LMO7: variants seen among roughly 807,000 people sequenced by gnomAD.
LMO7 encodes LIM domain 7.
In LMO7, 120 loss-of-function variants were observed where a neutral mutation model predicts 206.5. The ratio of observed to expected loss-of-function variants is 0.58; its 90% CI spans 0.50 to 0.68. LMO7 has a LOEUF of 0.68. Among genes scored for constraint, LMO7 ranks in the 30% least tolerant of loss-of-function variants. The pLI is 0.00. For synonymous variants in LMO7, 706 were observed against 681.5 expected, an observed-to-expected ratio of 1.04 and a Z score of -0.56; for missense variants, 1,959 against 1,957.9, an observed-to-expected ratio of 1.00 and a Z score of -0.01.
At chr13:75,787,270 C>G (rs1027046165) in intron 4 of LMO7, among the ~76,000 whole-genome samples, 3 of 152,166 alleles carry the variant, frequency 2.0e-5, no homozygotes, top group Non-Finnish European at 4.4e-5. Context: ...TACGTAATAA[C>G]AAGCATTTTA....
chr13:75,724,621 T>A (rs79378798), intron 2 of LMO7, among the ~76,000 whole-genome samples: 208 of 152,312 alleles, frequency 1.4e-3, no homozygotes, highest in African/African-American at 4.9e-3. Context: ...GCTATGCCCC[T>A]AATCCTCTAG....
At chr13:75,713,129 C>T in intron 1 of LMO7, 53 bp from the exon 2 acceptor site, 2 of 1,296,674 alleles carry the variant, frequency 1.5e-6, no homozygotes, top group African/African-American at 1.5e-5. Flanking sequence ...CTGAATTGGA[C>T]TTGTGTGCTA....
intron 7 of LMO7, among the ~76,000 whole-genome samples, chr13:75,801,126 T>G (rs2054670359): frequency 6.6e-6 from 1 of 152,130 alleles, no homozygotes; most frequent in Non-Finnish European, 1.5e-5. Context: ...GTGGCCTGTT[T>G]TATCAGTGAT....
At chr13:75,625,463 A>G (rs527408013) in intron 2 of LMO7, among the ~76,000 whole-genome samples, 5 of 142,476 alleles carry the variant, frequency 3.5e-5, no homozygotes, top group African/African-American at 7.7e-5. Context: ...GTGCATGTGC[A>G]TGTGTGTGTG....
intron 1 of LMO7, among the ~76,000 whole-genome samples, chr13:75,672,773 A>G (rs1015502474): frequency 1.3e-5 from 2 of 150,252 alleles, no homozygotes; most frequent in Admixed American, 6.7e-5. Context: ...ATGATATCTC[A>G]TACTTTTGAT....
chr13:75,703,714 TTG>T lies in LMO7; in HGVS notation c.70-9443_70-9442del, dbSNP rs139490120. Among the ~76,000 whole-genome samples, 509 of 147,114 alleles carry T rather than the reference TTG, an allele frequency of 3.5e-3. 1 individual carries two copies. Among genetic ancestry groups the T allele is most frequent in the Middle Eastern group, 0.01 (3 of 294 alleles). ...CTCAGCTTCTCTGACTTCAGGTTCT[TTG>T]TGTGTGTGTGTGTGTGTGTGTGTGC... is the stretch of plus-strand genomic sequence containing the variant. On this transcript the variant is annotated intron_variant, in intron 1 of 30. Transcript: ENST00000377534.
At chr13:75,645,021 T>C (rs1225456977) in intron 1 of LMO7, among the ~76,000 whole-genome samples, 1 of 152,230 alleles carries the variant, frequency 6.6e-6, no homozygotes, top group African/African-American at 2.4e-5. Context: ...CCATTTAAAG[T>C]GTTAAAAAAG....
chr13:75,784,103 G>A (rs1006281992), intron 4 of LMO7, among the ~76,000 whole-genome samples: 1 of 152,152 alleles, frequency 6.6e-6, no homozygotes, highest in Non-Finnish European at 1.5e-5. Flanking sequence ...GGGCCAGGGA[G>A]TGGCAGTGGT....
intron 8 of LMO7, chr13:75,805,222 A>C (rs2055285413): frequency 8.3e-7 from 1 of 1,203,194 alleles, no homozygotes; most frequent in Non-Finnish European, 1.1e-6. Context: ...AACACCCCAA[A>C]TTGTTTGTTA....
chr13:75,729,280 G>C (rs1456775928), intron 3 of LMO7, among the ~76,000 whole-genome samples: 32 of 150,020 alleles, frequency 2.1e-4, no homozygotes, highest in South Asian at 4.3e-4. Flanking sequence ...TCTTCCATTT[G>C]TTTGTATCCT....
rs1183212876 is a variant in LMO7, at chr13:75,807,624, T to C, written c.1341T>C (p.Asp447=). 1 of 1,613,990 alleles carries C rather than the reference T, an allele frequency of 6.2e-7. No homozygotes were observed. Among genetic ancestry groups the C allele is most frequent in the African/African-American group, 1.3e-5 (1 of 75,048 alleles). The change falls in exon 10 of 31, where the codon GAT becomes GAC. Residue 447 remains aspartate (D), a synonymous_variant. Coordinates refer to ENST00000377534, the MANE Select transcript of LMO7 (RefSeq NM_001306080.2). ...CTTATGCACCAGGCTATAGAAGAGA[T>C]GACCTCGAGATGGCAGCCCTGGATC... ...NLSYAPGYRR[D]DLEMAALDPD... is the part of the protein sequence containing the mutation.
intron 29 of LMO7, among the ~76,000 whole-genome samples, chr13:75,855,982 A>G (rs1026368678): frequency 6.6e-6 from 1 of 152,226 alleles, no homozygotes; most frequent in Admixed American, 6.5e-5. Flanking sequence ...AAGCCTGTCC[A>G]TTGCTGGCTT....
intron 3 of LMO7, among the ~76,000 whole-genome samples, chr13:75,743,041 C>CA (rs954876537): frequency 1.3e-5 from 2 of 151,884 alleles, no homozygotes; most frequent in African/African-American, 2.4e-5. Context: ...AACAACCCCA[C>CA]AAAAAAGTGG....
chr13:75,687,520 AT>A (rs986320331), intron 1 of LMO7, among the ~76,000 whole-genome samples: 13 of 151,524 alleles, frequency 8.6e-5, no homozygotes, highest in East Asian at 7.7e-4. Context: ...AATAAAATAC[AT>A]TTTTTTTCAC....
chr13:75,833,068 G>T lies in LMO7; in HGVS notation c.2967G>T (p.Met989Ile). 6.2e-7 allele frequency: 1 copy of T among 1,605,254 alleles called. No individual in the cohort carries two copies. The highest frequency in any genetic ancestry group is 1.1e-5 in the South Asian group (1 of 90,892). ...GTTTTCAGGATCAGTTCAGTGATAT[G>T]AGAATCAGCATAAACCAGACGCCTG... ...VSRSQDQFSDMRISINQTPGK... is the reference protein window; with the variant it reads ...VSRSQDQFSDIRISINQTPGK... The change falls in exon 16 of 31, where the codon ATG becomes ATT. Residue 989 changes from methionine (M) to isoleucine (I), a missense_variant. Coordinates refer to ENST00000377534, the MANE Select transcript of LMO7 (RefSeq NM_001306080.2).
At chr13:75,782,351 G>A (rs533983755) in intron 4 of LMO7, among the ~76,000 whole-genome samples, 1 of 152,326 alleles carries the variant, frequency 6.6e-6, no homozygotes, top group Admixed American at 6.5e-5. Context: ...TTTTAGGTCA[G>A]ATCAACTGGG....
rs59671117 is a variant in LMO7 at position 75,652,614 on chromosome 13, AGTGTGTGT to A, written c.69+15925_69+15932del. Among the ~76,000 whole-genome samples the A allele has an allele frequency of 3.2e-3, 442 of 137,940 alleles. 1 individual carries two copies. The highest frequency in any genetic ancestry group is 9.0e-3 in the African/African-American group (333 of 36,842). 90.5% of individuals were successfully genotyped at this position (137,940 alleles called of 152,430 possible). Reference sequence around the variant, plus strand: ...GTTCATTGTGTTTAACCACAAGTTCAGTGTGTGTGTGTGTGTGTGTGTGTGTGTGTGTG... The same window carrying A: ...GTTCATTGTGTTTAACCACAAGTTCAGTGTGTGTGTGTGTGTGTGTGTGTG... On this transcript the variant is annotated intron_variant, in intron 1 of 30. Transcript: ENST00000377534.
At chr13:75,640,518 C>T (rs1046347244) in intron 1 of LMO7, among the ~76,000 whole-genome samples, 1 of 152,152 alleles carries the variant, frequency 6.6e-6, no homozygotes, top group African/African-American at 2.4e-5. Context: ...GAAGCCTTCC[C>T]AAAATCGCCA....
chr13:75,646,728 C>T (rs1461811529), intron 1 of LMO7, among the ~76,000 whole-genome samples: 1 of 152,056 alleles, frequency 6.6e-6, no homozygotes, highest in African/African-American at 2.4e-5. Context: ...GGATTACAGG[C>T]ATGTGCCACC....
Sources: allele counts gnomAD v4.1 joint callset (sites outside exome capture counted in the v4.1 genomes callset), GRCh38; gene constraint gnomAD v4.1.1; transcripts MANE v1.5; gene names NCBI Gene and HGNC (gene_info 2026-07-23, HGNC 2026-07-21).